The following FHIT variants were observed in gnomAD, a reference collection of about 807,000 sequenced individuals.
FHIT encodes bis(5'-adenosyl)-triphosphatase.
A neutral mutation model predicts 17.9 loss-of-function variants in FHIT; 19 were observed. That is an observed-to-expected ratio of 1.06 (90% CI 0.74 to 1.56). The LOEUF (loss-of-function observed/expected upper bound fraction) is 1.56, where lower values mean the gene tolerates loss of function less well. FHIT is among the 40% of genes most tolerant of loss of function. The pLI is 0.00. For synonymous variants in FHIT, 81 were observed against 69.7 expected, an observed-to-expected ratio of 1.16 and a Z score of -0.81; for missense variants, 248 against 189.2, an observed-to-expected ratio of 1.31 and a Z score of -1.82.
chr3:60,387,800 C>A (rs140347660), intron 5 of FHIT, among the ~76,000 whole-genome samples: 1 of 152,224 alleles, frequency 6.6e-6, no homozygotes, highest in East Asian at 1.9e-4. Context: ...GTTTGTTTGG[C>A]CTTGCTGAGT....
intron 3 of FHIT, among the ~76,000 whole-genome samples, chr3:60,933,001 G>A (rs538460087): frequency 2.6e-5 from 4 of 152,288 alleles, no homozygotes; most frequent in South Asian, 2.1e-4. Context: ...AAGTATGCTC[G>A]TGGAGAATTT....
At chr3:61,078,665 T>A (rs1001658586) in intron 2 of FHIT, among the ~76,000 whole-genome samples, 1 of 152,292 alleles carries the variant, frequency 6.6e-6, no homozygotes, top group East Asian at 1.9e-4. Flanking sequence ...AATAATATTA[T>A]CAGCAAATAG....
intron 5 of FHIT, among the ~76,000 whole-genome samples, chr3:60,039,777 C>G (rs1405152850): frequency 6.6e-6 from 1 of 152,186 alleles, no homozygotes; most frequent in African/African-American, 2.4e-5. Context: ...AATGGAAGAT[C>G]TTAGAACCAA....
At chr3:61,227,192 G>C (rs753144648) in intron 1 of FHIT, among the ~76,000 whole-genome samples, 2 of 152,076 alleles carry the variant, frequency 1.3e-5, no homozygotes, top group Non-Finnish European at 1.5e-5. Flanking sequence ...TAAGACAAAG[G>C]CCTCAGGACA....
chr3:60,564,725 G>C (rs2107649955), intron 4 of FHIT, among the ~76,000 whole-genome samples: 1 of 152,254 alleles, frequency 6.6e-6, no homozygotes, highest in South Asian at 2.1e-4. Flanking sequence ...AACTTGAACA[G>C]ATGAGAAATT....
intron 5 of FHIT, among the ~76,000 whole-genome samples, chr3:60,193,256 G>A (rs1454692606): frequency 6.6e-6 from 1 of 152,164 alleles, no homozygotes; most frequent in Non-Finnish European, 1.5e-5. Flanking sequence ...CACTGCTGCT[G>A]AGAATGGACC....
intron 1 of FHIT, among the ~76,000 whole-genome samples, chr3:61,222,824 C>T (rs1157612283): frequency 1.3e-5 from 2 of 152,140 alleles, no homozygotes; most frequent in Admixed American, 1.3e-4. Context: ...AACAGGGCAG[C>T]ATCTGTCACG....
At chr3:59,915,228 G>T (rs1037152331) in intron 8 of FHIT, among the ~76,000 whole-genome samples, 1 of 152,122 alleles carries the variant, frequency 6.6e-6, no homozygotes, top group Non-Finnish European at 1.5e-5. Context: ...CACTGTGGAG[G>T]GCAGATAGGA....
chr3:61,045,713 T>C (rs201854096), intron 2 of FHIT, among the ~76,000 whole-genome samples: 1 of 152,300 alleles, frequency 6.6e-6, no homozygotes, highest in South Asian at 2.1e-4. Flanking sequence ...ATCGTACTTA[T>C]TCCAAAACTG....
intron 5 of FHIT, among the ~76,000 whole-genome samples, chr3:60,530,566 G>A (rs2035740157): frequency 6.6e-6 from 1 of 152,176 alleles, no homozygotes; most frequent in Non-Finnish European, 1.5e-5. Flanking sequence ...AGCAAGGAGG[G>A]CTTCCCCTTC....
chr3:61,166,767 A>G (rs1476882908), intron 2 of FHIT, among the ~76,000 whole-genome samples: 1 of 152,238 alleles, frequency 6.6e-6, no homozygotes, highest in East Asian at 1.9e-4. Context: ...GAGTGTTCAT[A>G]AAGCACCTAC....
At chr3:60,414,029 G>C (rs766466327) in intron 5 of FHIT, among the ~76,000 whole-genome samples, 2 of 152,148 alleles carry the variant, frequency 1.3e-5, no homozygotes, top group Non-Finnish European at 2.9e-5. Flanking sequence ...AGAATATGAA[G>C]GAAATAAATG....
chr3:60,569,755 A>ATATATATATATATATATATTTTT, intron 4 of FHIT, among the ~76,000 whole-genome samples: 1 of 77,342 alleles, frequency 1.3e-5, no homozygotes, highest in African/African-American at 4.8e-5. Flanking sequence ...ATATATATAT[A>ATATATATATATATATATATTTTT]TTTTTTTTTT....
chr3:60,868,305 T>C (rs1247864939), intron 3 of FHIT, among the ~76,000 whole-genome samples: 3 of 152,138 alleles, frequency 2.0e-5, no homozygotes, highest in African/African-American at 7.2e-5. Context: ...TAGTCTACAG[T>C]TGAATGGCCA....
chr3:61,221,701 T>A (rs2039843346), intron 1 of FHIT, among the ~76,000 whole-genome samples: 1 of 152,220 alleles, frequency 6.6e-6, no homozygotes, highest in Non-Finnish European at 1.5e-5. Context: ...CTGTTACTGC[T>A]GCCTCCAGCC....
intron 5 of FHIT, among the ~76,000 whole-genome samples, chr3:60,460,541 T>A (rs944988172): frequency 6.6e-6 from 1 of 152,160 alleles, no homozygotes; most frequent in African/African-American, 2.4e-5. Flanking sequence ...TTTTAAAAAA[T>A]CCCAATAATA....
At chr3:59,910,478 C>A (rs1387179994) in intron 8 of FHIT, among the ~76,000 whole-genome samples, 2 of 152,142 alleles carry the variant, frequency 1.3e-5, no homozygotes, top group Non-Finnish European at 2.9e-5. Flanking sequence ...ATTTCCCCCC[C>A]TTCTCTTTGA....
chr3:59,819,874 G>A (rs1700729267), intron 8 of FHIT, among the ~76,000 whole-genome samples: 1 of 152,138 alleles, frequency 6.6e-6, no homozygotes, highest in Non-Finnish European at 1.5e-5. Context: ...AATGGACTTA[G>A]TGCCTATATA....
In FHIT at chr3:60,331,107, C is replaced by T. The variant is rs150970731; in HGVS notation, c.103+205753G>A. 2.5e-3 allele frequency among the ~76,000 whole-genome samples: 379 copies of T among 152,262 alleles called. 2 individuals carry two copies. Among genetic ancestry groups the T allele is most frequent in the African/African-American group, 8.5e-3 (355 of 41,554 alleles). The stretch of plus-strand genomic sequence containing the variant: ...ATCTTAAGTCCAACTCACCTACTGC[C>T]ACTTTTCTCCTCACCTACACTATGC... On this transcript the variant is annotated intron_variant, in intron 5 of 9. Transcript: ENST00000492590.
Sources: allele counts gnomAD v4.1 joint callset (sites outside exome capture counted in the v4.1 genomes callset), GRCh38; gene constraint gnomAD v4.1.1; transcripts MANE v1.5; gene names NCBI Gene and HGNC (gene_info 2026-07-23, HGNC 2026-07-21).